The following NUFIP2 variants were observed in gnomAD, a reference collection of about 807,000 sequenced individuals.
NUFIP2 encodes nuclear FMR1 interacting protein 2.
NUFIP2 carries 6 observed loss-of-function variants against 56.9 expected under a neutral mutation model. The ratio of observed to expected loss-of-function variants is 0.11; its 90% CI spans 0.06 to 0.21. The LOEUF is 0.21. Ranked by LOEUF, NUFIP2 falls within the 10% of genes least tolerant of loss-of-function variation. NUFIP2 has a pLI of 1.00. For missense variants in NUFIP2, 828 were observed against 826.8 expected (o/e 1.00, Z -0.02); for synonymous variants, 321 against 298.2 (o/e 1.08, Z -0.79).
chr17:29,287,392 C>A lies in NUFIP2; in HGVS notation c.602G>T (p.Gly201Val). 6.2e-7 allele frequency: 1 copy of A among 1,614,004 alleles called. No homozygotes were observed. Among genetic ancestry groups the A allele is most frequent in the Non-Finnish European group, 8.5e-7 (1 of 1,179,918 alleles). Residue 201 changes from glycine (G) to valine (V), a missense_variant, in exon 2 of 4, where the codon GGT becomes GTT. This residue lies in a region of NUFIP2 where 415 missense variants were observed against 408.7 expected (regional missense o/e 1.02). Transcript: ENST00000225388. ...VTNNSGYITN[G>V]YMGKGADNDG... ...ATTATCTGCTCCTTTACCCATATAA[C>A]CATTAGTAATATAACCAGAATTATT...
At chr17:29,267,205 T>C (rs2069042901) in intron 3 of NUFIP2, among the ~76,000 whole-genome samples, 1 of 148,674 alleles carries the variant, frequency 6.7e-6, no homozygotes, top group Non-Finnish European at 1.5e-5. Flanking sequence ...TGCCCGGCCC[T>C]ACATTTTTTT....
At chr17:29,278,498 G>A (rs554159925) in intron 2 of NUFIP2, among the ~76,000 whole-genome samples, 36 of 151,980 alleles carry the variant, frequency 2.4e-4, no homozygotes, top group African/African-American at 8.0e-4. Flanking sequence ...TGCCCGCCTC[G>A]GCCTCCCAAA....
At chr17:29,266,722 T>C (rs1267424359) in intron 3 of NUFIP2, among the ~76,000 whole-genome samples, 2 of 151,806 alleles carry the variant, frequency 1.3e-5, no homozygotes, top group Non-Finnish European at 1.5e-5. Flanking sequence ...CCTACATTAA[T>C]AACATTTATG....
intron 1 of NUFIP2, among the ~76,000 whole-genome samples, chr17:29,289,295 T>C (rs2069196588): frequency 6.6e-6 from 1 of 152,202 alleles, no homozygotes; most frequent in South Asian, 2.1e-4. Flanking sequence ...GTCAAGTCAT[T>C]AGAAACAGAT....
intron 2 of NUFIP2, 145 bp downstream of exon 2, chr17:29,285,845 ATT>A (rs2069169957): frequency 1.6e-6 from 1 of 609,148 alleles, no homozygotes. Context: ...AGGACCCTGA[ATT>A]AGTTTGACAC....
At chr17:29,292,605 C>G (rs2069222340) in intron 1 of NUFIP2, among the ~76,000 whole-genome samples, 1 of 150,378 alleles carries the variant, frequency 6.6e-6, no homozygotes, top group South Asian at 2.1e-4. Flanking sequence ...ATCCCCCCGC[C>G]GCCCCCCCAG....
intron 1 of NUFIP2, 144 bp from the exon 2 acceptor site, chr17:29,287,860 G>A: frequency 1.2e-6 from 1 of 853,460 alleles, no homozygotes; most frequent in Non-Finnish European, 1.7e-6. Context: ...TCTATGAGAA[G>A]ACACCTGTCA....
At chr17:29,265,287 ATTT>A (rs1409119084) in intron 3 of NUFIP2, among the ~76,000 whole-genome samples, 3 of 144,964 alleles carry the variant, frequency 2.1e-5, no homozygotes, top group Non-Finnish European at 4.5e-5. Flanking sequence ...TTTTATTTTT[ATTT>A]TTTTATTTTA....
At position 29,287,326 on chromosome 17, in the gene NUFIP2, T is replaced by C; in HGVS notation, c.668A>G (p.Lys223Arg). The change falls in exon 2 of 4, where the codon AAA becomes AGA. Residue 223 changes from lysine (K) to arginine (R), a missense_variant. Physicochemically the swap from Lys to Arg is conservative, Grantham distance 26. Coordinates refer to ENST00000225388, the MANE Select transcript of NUFIP2 (RefSeq NM_020772.3). ...GGCACTATTGCGCCTAGCTTTCCTT[T>C]TTTTAGGAGTTGTATATCCGCTCTC... ...GSESGYTTPK[K>R]RKARRNSAKG... is the part of the protein sequence containing the mutation. 1 of 1,614,172 alleles carries C rather than the reference T, an allele frequency of 6.2e-7. No individual in the cohort carries two copies. The highest frequency in any genetic ancestry group is 8.5e-7 in the Non-Finnish European group (1 of 1,180,036).
chr17:29,268,481 A>G (rs1486964679), intron 2 of NUFIP2, among the ~76,000 whole-genome samples: 1 of 152,074 alleles, frequency 6.6e-6, no homozygotes, highest in Non-Finnish European at 1.5e-5. Flanking sequence ...AGTAGTTCTA[A>G]CCTCTAAACC....
At chr17:29,265,098 C>T (rs1231397707) in intron 3 of NUFIP2, among the ~76,000 whole-genome samples, 6 of 152,124 alleles carry the variant, frequency 3.9e-5, no homozygotes, top group Admixed American at 2.0e-4. Flanking sequence ...CAGTCCTAAT[C>T]AAGACTGACT....
At chr17:29,273,833 G>A (rs551761372) in intron 2 of NUFIP2, among the ~76,000 whole-genome samples, 1 of 152,254 alleles carries the variant, frequency 6.6e-6, no homozygotes, top group Admixed American at 6.5e-5. Flanking sequence ...CAAATGAAAA[G>A]TTAATGTTCA....
intron 2 of NUFIP2, among the ~76,000 whole-genome samples, chr17:29,272,980 G>A (rs1363082100): frequency 6.6e-6 from 1 of 151,312 alleles, no homozygotes; most frequent in Non-Finnish European, 1.5e-5. Context: ...CTCCCAAATA[G>A]CTGGGATTAC....
chr17:29,287,255 G>C lies in NUFIP2; in HGVS notation c.739C>G (p.Gln247Glu). Residue 247 changes from glutamine (Q) to glutamate (E), a missense_variant, in exon 2 of 4, where the codon CAA becomes GAA. Physicochemically the swap from Gln to Glu is conservative, Grantham distance 29. Transcript: ENST00000225388. ...TTTAAGGTTGGGACACTGGTCTCTTGTTGCATTATTTTGTCCTGCACTATA... is the reference window on the plus strand; with the variant it reads ...TTTAAGGTTGGGACACTGGTCTCTTCTTGCATTATTTTGTCCTGCACTATA... ...LNIVQDKIMQ[Q>E]ETSVPTLKQG... 6.2e-7 allele frequency: 1 copy of C among 1,614,130 alleles called. No individual in the cohort carries two copies. The highest frequency in any genetic ancestry group is 1.1e-5 in the South Asian group (1 of 91,074).
Position 29,294,114 on chromosome 17 carries a change from C to G in NUFIP2, c.-55G>C, listed in dbSNP as rs1462455656. 51 of 1,540,770 alleles carry G rather than the reference C, an allele frequency of 3.3e-5. No individual in the cohort carries two copies. Among genetic ancestry groups the G allele is most frequent in the Non-Finnish European group, 4.4e-5 (50 of 1,143,540 alleles). Reference sequence around the variant, plus strand: ...CTGCGGGCTGCTGCACCGTCAGGATCTGAGACTGCTTCTCAGGGCTCACTC... The same window carrying G: ...CTGCGGGCTGCTGCACCGTCAGGATGTGAGACTGCTTCTCAGGGCTCACTC... On this transcript the variant is annotated 5_prime_UTR_variant, in exon 1 of 4. Transcript: ENST00000225388.
chr17:29,278,189 T>A (rs2069118984), intron 2 of NUFIP2, among the ~76,000 whole-genome samples: 1 of 152,128 alleles, frequency 6.6e-6, no homozygotes, highest in African/African-American at 2.4e-5. Flanking sequence ...AACTCGGAAC[T>A]CAAGTTGTTT....
intron 2 of NUFIP2, among the ~76,000 whole-genome samples, chr17:29,275,472 A>G (rs375654667): frequency 2.6e-5 from 4 of 152,226 alleles, no homozygotes; most frequent in African/African-American, 7.2e-5. Context: ...GGTATAGGAT[A>G]TAAGAGTGGG....
rs1229141602 is a variant in NUFIP2, at chr17:29,263,471, A to G, written c.*1068T>C. On this transcript the variant is annotated 3_prime_UTR_variant, in exon 4 of 4. Coordinates refer to ENST00000225388, the MANE Select transcript of NUFIP2 (RefSeq NM_020772.3). ...TATCTTCTCACTGGCTAAAAACATG[A>G]AAAGTTTTAGTTTTCATGGACTTTT... is the stretch of plus-strand genomic sequence containing the variant. 1.3e-5 allele frequency: 2 copies of G among 152,602 alleles called. No homozygotes were observed. Among genetic ancestry groups the G allele is most frequent in the Non-Finnish European group, 2.9e-5 (2 of 68,012 alleles). 9.5% of individuals were successfully genotyped at this position (152,602 alleles called of 1,614,324 possible).
intron 1 of NUFIP2, among the ~76,000 whole-genome samples, chr17:29,288,839 T>A (rs1043357176): frequency 6.6e-6 from 1 of 152,210 alleles, no homozygotes; most frequent in African/African-American, 2.4e-5. Context: ...AATTTTTTAG[T>A]GTTATGGTAT....
Sources: gnomAD v4.1 joint callset for allele counts (sites outside exome capture counted in the v4.1 genomes callset) on GRCh38, gnomAD v4.1.1 for gene constraint, gnomAD v4.1.1 regional missense constraint, MANE v1.5 for transcripts, NCBI Gene and HGNC (gene_info 2026-07-23, HGNC 2026-07-21) for gene names.